The following OTOGL variants were observed in gnomAD, a reference collection of about 807,000 sequenced individuals.
OTOGL encodes otogelin-like protein.
OTOGL carries 285 observed loss-of-function variants against 318.5 expected under a neutral mutation model. The ratio of observed to expected loss-of-function variants is 0.89; its 90% CI spans 0.81 to 0.99. The LOEUF is 0.99. OTOGL is among the 50% of genes least tolerant of loss of function. The pLI is 0.00. For missense variants in OTOGL, 2,899 were observed against 2,845.6 expected (o/e 1.02, Z -0.43); for synonymous variants, 987 against 936.5 (o/e 1.05, Z -0.99).
At chr12:80,367,082 T>C (rs543232645) in intron 53 of OTOGL, among the ~76,000 whole-genome samples, 1 of 150,940 alleles carries the variant, frequency 6.6e-6, no homozygotes, top group South Asian at 2.1e-4. Context: ...GCTCAGGCAA[T>C]CCTTCCACCT....
At chr12:80,307,148 C>A (rs1336875000) in intron 29 of OTOGL, among the ~76,000 whole-genome samples, 4 of 150,966 alleles carry the variant, frequency 2.6e-5, no homozygotes, top group Admixed American at 2.6e-4. Context: ...CAACAGGATC[C>A]CAAGGCAGAA....
At chr12:80,208,718 G>C (rs1300858453) in intron 1 of OTOGL, among the ~76,000 whole-genome samples, 1 of 152,164 alleles carries the variant, frequency 6.6e-6, no homozygotes. Context: ...TGAAGGGAAA[G>C]TTTTCAGGGC....
rs1004298029 is a variant in OTOGL at position 80,339,123 on chromosome 12, C to T, written c.4909C>T (p.Leu1637=). The change falls in exon 43 of 59, where the codon CTG becomes TTG. Residue 1637 remains leucine (L), a synonymous_variant. Coordinates refer to ENST00000547103, the MANE Select transcript of OTOGL (RefSeq NM_001378609.3). The part of the protein sequence containing the change: ...VVPLPFSSQE[L]SIEDSGSMYV... ...GCCTTTGCCCTTTTCAAGTCAGGAA[C>T]TGTCCATAGAGGATTCTGGTTCAAT... The T allele has an allele frequency of 6.2e-7, 1 of 1,611,558 alleles. No individual in the cohort carries two copies.
intron 1 of OTOGL, among the ~76,000 whole-genome samples, chr12:80,116,274 T>C (rs115412551): frequency 0.025 from 3,773 of 152,096 alleles, 155 homozygotes; most frequent in African/African-American, 0.086. Context: ...CATGGCACAG[T>C]CCCTCACAGT....
chr12:80,361,645 A>G (rs1156229091), intron 52 of OTOGL, among the ~76,000 whole-genome samples: 3 of 152,034 alleles, frequency 2.0e-5, no homozygotes, highest in Non-Finnish European at 4.4e-5. Flanking sequence ...AACACTTGCT[A>G]TCTTTTGTCT....
At chr12:80,113,919 G>A (rs1485592586) in intron 1 of OTOGL, among the ~76,000 whole-genome samples, 1 of 151,894 alleles carries the variant, frequency 6.6e-6, no homozygotes, top group Middle Eastern at 3.2e-3. Context: ...TCTGTTTTAT[G>A]AGACTAGGAT....
At chr12:80,267,405 ATATT>A (rs1883070193) in intron 22 of OTOGL, 78 bp downstream of exon 22, 82 of 672,872 alleles carry the variant, frequency 1.2e-4, no homozygotes, top group East Asian at 1.7e-4. Flanking sequence ...ATATATATAT[ATATT>A]TTTTTATTAT....
intron 1 of OTOGL, among the ~76,000 whole-genome samples, chr12:80,189,149 C>G (rs1003528118): frequency 1.3e-5 from 2 of 152,102 alleles, no homozygotes; most frequent in Admixed American, 1.3e-4. Context: ...TAAATAGATA[C>G]TCAGATTAAT....
intron 1 of OTOGL, among the ~76,000 whole-genome samples, chr12:80,177,818 T>C (rs141168048): frequency 1.9e-3 from 284 of 152,242 alleles, no homozygotes; most frequent in African/African-American, 6.4e-3. Flanking sequence ...CCTTTTGAGG[T>C]TGCTTTTAAG....
chr12:80,308,371 G>T (rs1886374279), intron 29 of OTOGL, among the ~76,000 whole-genome samples: 1 of 151,924 alleles, frequency 6.6e-6, no homozygotes, highest in Non-Finnish European at 1.5e-5. Context: ...CCCGGACGGG[G>T]CGGCAGGGCA....
intron 1 of OTOGL, among the ~76,000 whole-genome samples, chr12:80,174,499 G>A (rs1874403973): frequency 6.6e-6 from 1 of 152,080 alleles, no homozygotes. Context: ...TTTTTAAATT[G>A]GCTTTGATGG....
chr12:80,298,556 C>G (rs1343489687), intron 27 of OTOGL, among the ~76,000 whole-genome samples: 1 of 152,128 alleles, frequency 6.6e-6, no homozygotes, highest in African/African-American at 2.4e-5. Context: ...AAGACATGCT[C>G]TGGAGGAAAT....
intron 1 of OTOGL, among the ~76,000 whole-genome samples, chr12:80,128,914 C>T (rs1280776100): frequency 1.3e-5 from 2 of 152,132 alleles, no homozygotes; most frequent in Non-Finnish European, 2.9e-5. Context: ...GTGGGAGTGA[C>T]CTGATTTTCC....
Position 80,367,713 on chromosome 12 carries a change from G to T in OTOGL, c.6484G>T (p.Val2162Leu). Reference protein sequence around the residue: ...TGFHTLNFTLVNCSKKCDVHQ... With the variant: ...TGFHTLNFTLLNCSKKCDVHQ... ...CTTTCACACTCTGAATTTTACACTGGTGAATTGTTCAAAAAAATGTGATGT... is the reference window on the plus strand; with the variant it reads ...CTTTCACACTCTGAATTTTACACTGTTGAATTGTTCAAAAAAATGTGATGT... Residue 2162 changes from valine to leucine, a missense_variant, in exon 54 of 59, where the codon GTG becomes TTG. By Grantham distance (32) the Val-to-Leu change is conservative. Coordinates refer to ENST00000547103, the MANE Select transcript of OTOGL (RefSeq NM_001378609.3). 1.4e-6 allele frequency: 2 copies of T among 1,435,402 alleles called. No individual in the cohort carries two copies. Among genetic ancestry groups the T allele is most frequent in the Non-Finnish European group, 9.2e-7 (1 of 1,087,770 alleles). The allele number at this position is 1,435,402 out of a possible 1,614,324, so 88.9% of individuals were successfully genotyped here. A position where few individuals can be genotyped will look rare whatever the true frequency, so the allele number is the denominator to read the frequency against.
chr12:80,361,680 G>T (rs902274067), intron 52 of OTOGL, among the ~76,000 whole-genome samples: 1 of 151,936 alleles, frequency 6.6e-6, no homozygotes, highest in Non-Finnish European at 1.5e-5. Flanking sequence ...ATTCTAACAG[G>T]TATGAGGTGA....
At chr12:80,148,161 C>T (rs1872531323) in intron 1 of OTOGL, among the ~76,000 whole-genome samples, 1 of 151,518 alleles carries the variant, frequency 6.6e-6, no homozygotes, top group Non-Finnish European at 1.5e-5. Context: ...ATGGTCTTTA[C>T]ATTTTGGCAT....
intron 1 of OTOGL, among the ~76,000 whole-genome samples, chr12:80,150,404 C>G (rs964715386): frequency 6.6e-6 from 1 of 152,102 alleles, no homozygotes; most frequent in African/African-American, 2.4e-5. Flanking sequence ...CCAAACTGAC[C>G]TGGAAAGGAA....
rs1371439086 is a variant in OTOGL, at chr12:80,229,381, A to G, written c.611+3A>G. On this transcript the variant is annotated splice_donor_region_variant and intron_variant, in intron 8 of 58. Coordinates refer to ENST00000547103, the MANE Select transcript of OTOGL (RefSeq NM_001378609.3). ...GAAATAAAAAAGAATGGAATCAGGT[A>G]GGATATGGGAAACAGTGAAATGTCA... The G allele has an allele frequency of 6.3e-7, 1 of 1,594,082 alleles. No individual in the cohort carries two copies. Among genetic ancestry groups the G allele is most frequent in the Non-Finnish European group, 8.5e-7 (1 of 1,175,204 alleles).
At position 80,313,602 on chromosome 12, in the gene OTOGL, T is replaced by G. The variant is rs1362884234; in HGVS notation, c.3577T>G (p.Ser1193Ala). ...YAYKCCQEGI[S>A]IHWRSSTVCS... ...ATACAAGTGTTGTCAGGAAGGAATA[T>G]CAATTCATTGGAGATCATCTACTGT... Residue 1193 changes from serine (S) to alanine (A), a missense_variant, in exon 31 of 59, where the codon TCA (serine) becomes GCA (alanine). Around this residue, in one of 3 missense-constraint regions of OTOGL, gnomAD observed 2,607 missense variants for 2,524.9 expected, o/e 1.03. Coordinates refer to ENST00000547103, the MANE Select transcript of OTOGL (RefSeq NM_001378609.3). 1 of 1,612,828 alleles carries G rather than the reference T, an allele frequency of 6.2e-7. No homozygotes were observed. The highest frequency in any genetic ancestry group is 1.3e-5 in the African/African-American group (1 of 74,996).
Sources: allele counts gnomAD v4.1 joint callset (sites outside exome capture counted in the v4.1 genomes callset), GRCh38; gene constraint gnomAD v4.1.1; regional missense constraint gnomAD v4.1.1; transcripts MANE v1.5; gene names NCBI Gene and HGNC (gene_info 2026-07-23, HGNC 2026-07-21).